The following GRIN2A variants were observed in gnomAD, a reference collection of about 807,000 sequenced individuals.
GRIN2A encodes the protein glutamate receptor ionotropic, NMDA 2A.
GRIN2A carries 22 observed loss-of-function variants against 113.4 expected under a neutral mutation model. The ratio of observed to expected loss-of-function variants is 0.19; its 90% CI spans 0.14 to 0.28. The LOEUF is 0.28. Among genes scored for constraint, GRIN2A ranks in the 10% least tolerant of loss-of-function variants. The pLI, the probability that GRIN2A is intolerant of heterozygous loss-of-function variation, is 1.00. For synonymous variants in GRIN2A, 827 were observed against 738.4 expected (o/e 1.12, Z -1.94); for missense variants, 1,502 against 1,887.0 (o/e 0.80, Z 3.78).
rs543702643 is a variant in GRIN2A, at chr16:9,803,424, AAAC to A, written c.2169-4963_2169-4961del. ...GAGCAAAACTCCATCTCAAAAAAAA[AAAC>A]AAGAAAGAAAAATGGAGCCAACAAT... On this transcript the variant is annotated intron_variant, in intron 10 of 12. Coordinates refer to ENST00000330684, the MANE Select transcript of GRIN2A (RefSeq NM_001134407.3). Among the ~76,000 whole-genome samples the A allele has an allele frequency of 5.5e-3, 837 of 152,204 alleles. 7 individuals are homozygous for A. The highest frequency in any genetic ancestry group is 0.019 in the African/African-American group (798 of 41,526).
At chr16:10,165,291 T>C (rs1253421880) in intron 2 of GRIN2A, among the ~76,000 whole-genome samples, 1 of 151,554 alleles carries the variant, frequency 6.6e-6, no homozygotes, top group Non-Finnish European at 1.5e-5. Flanking sequence ...ATATAGTGTG[T>C]ATTTGTAAAT....
chr16:10,107,464 T>G (rs2048521834), intron 2 of GRIN2A, among the ~76,000 whole-genome samples: 1 of 152,200 alleles, frequency 6.6e-6, no homozygotes. Context: ...ACTTACAGGA[T>G]CCTGCTGGCT....
intron 2 of GRIN2A, among the ~76,000 whole-genome samples, chr16:10,106,243 G>T (rs113000119): frequency 0.01 from 1,231 of 119,304 alleles, 23 homozygotes; most frequent in African/African-American, 0.036. Flanking sequence ...TTTCATTCCT[G>T]TTCAAATTCT....
At chr16:10,182,808 C>G (rs1596590200), upstream of GRIN2A, 1 of 152,540 alleles carries the variant, frequency 6.6e-6, no homozygotes, top group Non-Finnish European at 1.5e-5. Flanking sequence ...CTTCCTGCCC[C>G]ACTCCGGACG....
chr16:10,116,586 G>A (rs557730861), intron 2 of GRIN2A, among the ~76,000 whole-genome samples: 5 of 152,340 alleles, frequency 3.3e-5, no homozygotes, highest in Admixed American at 6.5e-5. Context: ...AAACTGGGGG[G>A]ACATGGTTTA....
At chr16:9,824,592 T>C (rs1284461795) in intron 9 of GRIN2A, among the ~76,000 whole-genome samples, 1 of 152,206 alleles carries the variant, frequency 6.6e-6, no homozygotes, top group Non-Finnish European at 1.5e-5. Flanking sequence ...TTCTCTGGCC[T>C]GGATAGTACC....
intron 2 of GRIN2A, among the ~76,000 whole-genome samples, chr16:10,023,910 C>G (rs140845407): frequency 6.6e-6 from 1 of 152,200 alleles, no homozygotes; most frequent in Non-Finnish European, 1.5e-5. Context: ...TAAGCATAAA[C>G]CTTAGGCCAG....
chr16:10,082,638 C>T (rs1227223038), intron 2 of GRIN2A, among the ~76,000 whole-genome samples: 2 of 152,198 alleles, frequency 1.3e-5, no homozygotes, highest in African/African-American at 2.4e-5. Context: ...AGACTGGAAG[C>T]AGCAGAGCCC....
intron 2 of GRIN2A, among the ~76,000 whole-genome samples, chr16:10,007,785 G>A (rs767311830): frequency 1.3e-5 from 2 of 152,172 alleles, no homozygotes; most frequent in Non-Finnish European, 2.9e-5. Context: ...ACAAGAGGCT[G>A]TGTAGCTGGA....
At chr16:9,945,507 G>C (rs1270226617) in intron 2 of GRIN2A, among the ~76,000 whole-genome samples, 1 of 152,138 alleles carries the variant, frequency 6.6e-6, no homozygotes, top group African/African-American at 2.4e-5. Context: ...TGAATGCCCT[G>C]TAGTCAGGAT....
At chr16:9,805,821 G>C (rs1349054578) in intron 10 of GRIN2A, among the ~76,000 whole-genome samples, 1 of 152,044 alleles carries the variant, frequency 6.6e-6, no homozygotes, top group Non-Finnish European at 1.5e-5. Context: ...GTACCCATCG[G>C]GGAAGGGCAT....
intron 2 of GRIN2A, among the ~76,000 whole-genome samples, chr16:10,071,286 A>C (rs1315135580): frequency 6.6e-6 from 1 of 152,202 alleles, no homozygotes; most frequent in African/African-American, 2.4e-5. Context: ...CAATGTAGGA[A>C]GCTTATTGGT....
At chr16:9,960,175 T>A (rs927609427) in intron 2 of GRIN2A, among the ~76,000 whole-genome samples, 22 of 152,172 alleles carry the variant, frequency 1.4e-4, no homozygotes, top group Admixed American at 7.2e-4. Context: ...ATCAACAATG[T>A]CCCATAGTAG....
In GRIN2A at chr16:10,172,319, C is replaced by T. The variant is rs182045785; in HGVS notation, c.414+7679G>A. ...TGCCTGGAGTACTGTGTTGAGAAGG[C>T]CTTAAGGCCAGTGGGCTCAACAGGG... On this transcript the variant is annotated intron_variant, in intron 2 of 12. Transcript: ENST00000330684. 7.9e-5 allele frequency among the ~76,000 whole-genome samples: 12 copies of T among 152,292 alleles called. No homozygotes were observed. In the South Asian group the frequency reaches 1.5e-3, roughly 18 times the overall value.
intron 2 of GRIN2A, among the ~76,000 whole-genome samples, chr16:10,051,064 G>T (rs532754506): frequency 1.4e-4 from 22 of 152,284 alleles, no homozygotes; most frequent in African/African-American, 5.1e-4. Flanking sequence ...TTAGGTGGTA[G>T]GATGATGTAG....
intron 2 of GRIN2A, among the ~76,000 whole-genome samples, chr16:10,057,702 T>G (rs2047479322): frequency 6.6e-6 from 1 of 152,046 alleles, no homozygotes; most frequent in South Asian, 2.1e-4. Flanking sequence ...TTTGGGTAAG[T>G]GCTACACACT....
chr16:10,066,079 C>G (rs1031406047), intron 2 of GRIN2A, among the ~76,000 whole-genome samples: 2 of 152,230 alleles, frequency 1.3e-5, no homozygotes, highest in African/African-American at 4.8e-5. Context: ...TCACCCCCAG[C>G]ACATCTTAGG....
intron 11 of GRIN2A, 49 bp from the exon 12 acceptor site, chr16:9,769,138 T>C: frequency 7.1e-7 from 1 of 1,407,174 alleles, no homozygotes; most frequent in Non-Finnish European, 1.0e-6. Context: ...AACATGCACT[T>C]TGGGGCAGAC....
At chr16:9,871,521 T>C (rs2043260453) in intron 4 of GRIN2A, among the ~76,000 whole-genome samples, 1 of 152,014 alleles carries the variant, frequency 6.6e-6, no homozygotes, top group African/African-American at 2.4e-5. Context: ...ATATGCATAA[T>C]AGTTCCTGTT....
Sources: allele counts gnomAD v4.1 joint callset (sites outside exome capture counted in the v4.1 genomes callset), GRCh38; gene constraint gnomAD v4.1.1; transcripts MANE v1.5; gene names NCBI Gene and HGNC (gene_info 2026-07-23, HGNC 2026-07-21).